Variants in PREX1 observed in about 807,000 individuals in gnomAD.
PREX1 encodes phosphatidylinositol-3,4,5-trisphosphate dependent Rac exchange factor 1, also known as phosphatidylinositol 3,4,5-trisphosphate-dependent Rac exchanger 1 protein.
PREX1 carries 41 observed loss-of-function variants against 198.3 expected under a neutral mutation model. The observed-to-expected ratio is 0.21, with a 90% confidence interval of 0.16 to 0.27. The LOEUF (loss-of-function observed/expected upper bound fraction) is 0.27. Ranked by LOEUF, PREX1 falls within the 10% of genes least tolerant of loss-of-function variation. The probability of loss-of-function intolerance (pLI) is 1.00; values close to 1 mark genes in which losing one functional copy is unlikely to be tolerated. For missense variants in PREX1, 1,620 were observed against 2,200.7 expected, an observed-to-expected ratio of 0.74 and a Z score of 5.28; for synonymous variants, 843 against 887.2, an observed-to-expected ratio of 0.95 and a Z score of 0.89.
intron 1 of PREX1, among the ~76,000 whole-genome samples, chr20:48,817,687 C>T (rs181625893): frequency 6.6e-6 from 1 of 152,260 alleles, no homozygotes; most frequent in Non-Finnish European, 1.5e-5. Context: ...CTCACATACC[C>T]ACATAGTCAA....
At chr20:48,865,264 T>C in the PREX1 span, among the ~76,000 whole-genome samples, 1 of 152,192 alleles carries the variant, frequency 6.6e-6, no homozygotes, top group Non-Finnish European at 1.5e-5. Context: ...TAGGGGTTCA[T>C]CGTACAGATA....
At chr20:48,657,886 C>T (rs1419073166) in intron 17 of PREX1, among the ~76,000 whole-genome samples, 1 of 152,244 alleles carries the variant, frequency 6.6e-6, no homozygotes, top group African/African-American at 2.4e-5. Context: ...TACCTCCCCA[C>T]AATGTCCAGC....
At chr20:48,868,486 G>A in the PREX1 span, among the ~76,000 whole-genome samples, 3 of 152,210 alleles carry the variant, frequency 2.0e-5, no homozygotes, top group South Asian at 2.1e-4. Flanking sequence ...ACCACACCTA[G>A]CTAATTTTTT....
At chr20:48,814,188 T>G (rs2090449377) in intron 1 of PREX1, among the ~76,000 whole-genome samples, 3 of 152,212 alleles carry the variant, frequency 2.0e-5, no homozygotes, top group Admixed American at 6.5e-5. Context: ...ATTCAGCCCC[T>G]TTTGCTCATG....
At chr20:48,706,918 C>T (rs2089906217) in intron 6 of PREX1, among the ~76,000 whole-genome samples, 1 of 152,308 alleles carries the variant, frequency 6.6e-6, no homozygotes, top group South Asian at 2.1e-4. Flanking sequence ...GCCACTGCCC[C>T]TGCCCCAGGT....
chr20:48,700,164 A>G (rs1360109277), intron 7 of PREX1, among the ~76,000 whole-genome samples: 1 of 152,238 alleles, frequency 6.6e-6, no homozygotes, highest in Non-Finnish European at 1.5e-5. Context: ...TGAAGAAACT[A>G]TCCTGACCCT....
At chr20:48,654,458 C>T (rs1040590258) in intron 19 of PREX1, among the ~76,000 whole-genome samples, 2 of 152,180 alleles carry the variant, frequency 1.3e-5, no homozygotes, top group Admixed American at 6.5e-5. Flanking sequence ...CTGTGCACTG[C>T]AGCACGTTTA....
In PREX1 at chr20:48,747,982, G is replaced by A. The variant is rs2090117144; in HGVS notation, c.220-102C>T. ...AGTTCAAATGCCAACTAGGATCTGG[G>A]AGGTACCACGAGTCCAGGGACACAG... On this transcript the variant is annotated intron_variant, in intron 1 of 39. Coordinates refer to ENST00000371941, the MANE Select transcript of PREX1 (RefSeq NM_020820.4). 6 of 1,008,524 alleles carry A rather than the reference G, an allele frequency of 5.9e-6. No homozygotes were observed. In the South Asian group the frequency reaches 6.8e-5, roughly 11 times the overall value. The allele number at this position is 1,008,524 out of a possible 1,614,324, so 62.5% of individuals were successfully genotyped here.
At chr20:48,811,622 A>AC (rs145554231) in intron 1 of PREX1, among the ~76,000 whole-genome samples, 9 of 120,496 alleles carry the variant, frequency 7.5e-5, no homozygotes, top group African/African-American at 2.0e-4. Context: ...CTGGATACAC[A>AC]CCCCCCCACA....
At chr20:48,886,869 G>A in the PREX1 span, among the ~76,000 whole-genome samples, 3 of 152,208 alleles carry the variant, frequency 2.0e-5, no homozygotes, top group Non-Finnish European at 4.4e-5. Context: ...GAGCTGGGTG[G>A]TGAATCCAAG....
intron 5 of PREX1, among the ~76,000 whole-genome samples, chr20:48,719,203 A>C (rs1005269877): frequency 6.6e-6 from 1 of 152,238 alleles, no homozygotes; most frequent in Non-Finnish European, 1.5e-5. Flanking sequence ...GTACAAGAGA[A>C]AGTAGAATCC....
intron 5 of PREX1, among the ~76,000 whole-genome samples, chr20:48,709,407 G>A (rs2089920274): frequency 6.6e-6 from 1 of 152,226 alleles, no homozygotes; most frequent in Non-Finnish European, 1.5e-5. Context: ...AGGTTCAAGG[G>A]CTGACTCTGC....
intron 30 of PREX1, among the ~76,000 whole-genome samples, chr20:48,638,332 C>G (rs6019338): frequency 6.6e-6 from 1 of 152,132 alleles, no homozygotes; most frequent in African/African-American, 2.4e-5. Context: ...AACAGACACA[C>G]GAGTGCACAC....
At chr20:48,713,228 G>A (rs1028986330) in intron 5 of PREX1, among the ~76,000 whole-genome samples, 3 of 152,078 alleles carry the variant, frequency 2.0e-5, no homozygotes, top group Admixed American at 6.5e-5. Flanking sequence ...AAGGCGGGCG[G>A]ATCACCTGAG....
chr20:48,657,334 G>T, intron 17 of PREX1, 146 bp from the exon 18 acceptor site: 2 of 991,096 alleles, frequency 2.0e-6, no homozygotes, highest in Non-Finnish European at 2.9e-6. Flanking sequence ...TCTGTGGTAA[G>T]CAGTTGAGGG....
At chr20:48,801,524 G>A (rs1471664480) in intron 1 of PREX1, among the ~76,000 whole-genome samples, 1 of 152,166 alleles carries the variant, frequency 6.6e-6, no homozygotes, top group Non-Finnish European at 1.5e-5. Context: ...TAAGGGCCAA[G>A]GCACAGTTTC....
At position 48,700,895 on chromosome 20, in the gene PREX1, G is replaced by C; in HGVS notation, c.784-9C>G. ...TCTGTGAGGTTGGAACCCTGGAAGC[G>C]CAATGAGGACACAGTGAATGAGCCA... On this transcript the variant is annotated splice_polypyrimidine_tract_variant and intron_variant, in intron 6 of 39. Coordinates refer to ENST00000371941, the MANE Select transcript of PREX1 (RefSeq NM_020820.4). The C allele has an allele frequency of 6.2e-7, 1 of 1,614,028 alleles. No homozygotes were observed. The highest frequency in any genetic ancestry group is 8.5e-7 in the Non-Finnish European group (1 of 1,179,956).
At chr20:48,629,084 G>A (rs73324967) in intron 37 of PREX1, among the ~76,000 whole-genome samples, 3,184 of 152,254 alleles carry the variant, frequency 0.021, 116 homozygotes, top group African/African-American at 0.073. Flanking sequence ...GATGAGCACT[G>A]GGGACAAAGG....
At chr20:48,658,304 G>A in intron 16 of PREX1, 76 bp from the exon 17 acceptor site, 2 of 1,454,488 alleles carry the variant, frequency 1.4e-6, no homozygotes, top group East Asian at 2.3e-5. Flanking sequence ...GGCCCCCACA[G>A]GACCATGACC....
Sources: gnomAD v4.1 joint callset for allele counts (sites outside exome capture counted in the v4.1 genomes callset) on GRCh38, gnomAD v4.1.1 for gene constraint, MANE v1.5 for transcripts, NCBI Gene and HGNC (gene_info 2026-07-23, HGNC 2026-07-21) for gene names.